TIAM1: variants seen among roughly 807,000 people sequenced by gnomAD.
TIAM1 encodes rho guanine nucleotide exchange factor TIAM1.
TIAM1 carries 65 observed loss-of-function variants against 163.5 expected under a neutral mutation model. The ratio of observed to expected loss-of-function variants is 0.40; its 90% CI spans 0.33 to 0.49. The LOEUF (loss-of-function observed/expected upper bound fraction) is 0.49, where lower values mean the gene tolerates loss of function less well. Among genes scored for constraint, TIAM1 ranks in the 20% least tolerant of loss-of-function variants. The pLI, the probability that TIAM1 is intolerant of heterozygous loss-of-function variation, is 0.77. For missense variants in TIAM1, 1,789 were observed against 2,044.7 expected (o/e 0.87, Z 2.41); for synonymous variants, 833 against 810.1 (o/e 1.03, Z -0.48).
chr21:31,156,292 C>A (rs2083620316), intron 16 of TIAM1, among the ~76,000 whole-genome samples: 2 of 152,182 alleles, frequency 1.3e-5, no homozygotes, highest in Non-Finnish European at 2.9e-5. Flanking sequence ...CTAGCACTAA[C>A]CCTGGTCTTA....
rs1601714064 is a variant in TIAM1 at position 31,253,706 on chromosome 21, A to G, written c.964-1517T>C. Among the ~76,000 whole-genome samples the G allele has an allele frequency of 3.9e-5, 6 of 152,262 alleles. No individual in the cohort carries two copies. In the South Asian group the frequency reaches 1.2e-3, roughly 32 times the overall value. ...CCTGGGAGTTAGAGGGACTTAAGGG[A>G]AAGAAAGAAACCACGAATGCAGCTC... On this transcript the variant is annotated intron_variant, in intron 4 of 27. Transcript: ENST00000541036.
chr21:31,357,716 C>T (rs1411105499), intron 2 of TIAM1, among the ~76,000 whole-genome samples: 1 of 152,204 alleles, frequency 6.6e-6, no homozygotes, highest in Non-Finnish European at 1.5e-5. Flanking sequence ...TCCAGTGCAT[C>T]TTCCATCCAA....
chr21:31,202,274 G>A (rs188163964), intron 12 of TIAM1, among the ~76,000 whole-genome samples: 2 of 152,090 alleles, frequency 1.3e-5, no homozygotes, highest in South Asian at 2.1e-4. Flanking sequence ...AAGACTGGCC[G>A]TGCGCAGTGG....
chr21:31,141,443 T>C lies in TIAM1; in HGVS notation c.3537A>G (p.Ser1179=), dbSNP rs2082841625. ...LDAQNPKQQH[S]STLESYLIKP... ...TGATGAGGTACGACTCCAGCGTGGATGAGTGCTGCTGCTTCGGGTTCTGGG... is the reference window on the plus strand; with the variant it reads ...TGATGAGGTACGACTCCAGCGTGGACGAGTGCTGCTGCTTCGGGTTCTGGG... The change falls in exon 21 of 28, where the codon TCA becomes TCG. Residue 1179 remains serine (S), a synonymous_variant. Transcript: ENST00000541036. This position sits in a 1 kb window ranked among gnomAD's most constrained non-coding sequence, Gnocchi z 4.7. 1.9e-6 allele frequency: 3 copies of C among 1,614,084 alleles called. No individual in the cohort carries two copies. Among genetic ancestry groups the C allele is most frequent in the South Asian group, 1.1e-5 (1 of 91,088 alleles).
At chr21:31,213,985 CA>C (rs1383061848) in intron 9 of TIAM1, among the ~76,000 whole-genome samples, 4 of 151,254 alleles carry the variant, frequency 2.6e-5, no homozygotes, top group Non-Finnish European at 5.9e-5. Context: ...CACTGAACTA[CA>C]ATCTGGGCAA....
intron 2 of TIAM1, among the ~76,000 whole-genome samples, chr21:31,396,494 GC>G (rs2077071881): frequency 6.6e-6 from 1 of 151,660 alleles, no homozygotes; most frequent in Non-Finnish European, 1.5e-5. Flanking sequence ...CCCCACTGTA[GC>G]TCCCGAAACA....
chr21:31,406,162 A>G (rs528044373), intron 2 of TIAM1, among the ~76,000 whole-genome samples: 48 of 144,088 alleles, frequency 3.3e-4, no homozygotes, highest in Admixed American at 5.7e-4. Flanking sequence ...ATTGAGTCCC[A>G]TGGCTTAAAT....
At chr21:31,496,008 A>G (rs1413072282) in intron 1 of TIAM1, among the ~76,000 whole-genome samples, 1 of 151,866 alleles carries the variant, frequency 6.6e-6, no homozygotes, top group Non-Finnish European at 1.5e-5. Flanking sequence ...ACTGCCCCTG[A>G]AGAGTTTCCC....
intron 2 of TIAM1, among the ~76,000 whole-genome samples, chr21:31,394,728 T>TCACA (rs71318270): frequency 0.06 from 5,696 of 95,636 alleles, 258 homozygotes; most frequent in East Asian, 0.14. Flanking sequence ...TCTCTCTCTC[T>TCACA]CACACACACA....
intron 4 of TIAM1, among the ~76,000 whole-genome samples, chr21:31,258,214 C>T (rs1025075206): frequency 6.6e-6 from 1 of 152,160 alleles, no homozygotes; most frequent in African/African-American, 2.4e-5. Flanking sequence ...GTTGACGCAT[C>T]CCAAGTGCCA....
chr21:31,176,642 C>A (rs991260058), intron 15 of TIAM1, among the ~76,000 whole-genome samples: 4 of 152,152 alleles, frequency 2.6e-5, no homozygotes, highest in Non-Finnish European at 5.9e-5. Context: ...ACAGGACCAC[C>A]TAACAAATTT....
At chr21:31,403,265 A>G (rs962110612) in intron 2 of TIAM1, among the ~76,000 whole-genome samples, 3 of 152,104 alleles carry the variant, frequency 2.0e-5, no homozygotes, top group Non-Finnish European at 4.4e-5. Context: ...CTCCTGCCTC[A>G]GACTCCTAAG....
rs750119411 is a variant in TIAM1, at chr21:31,266,399, G to A, written c.574C>T (p.His192Tyr). The A allele has an allele frequency of 2.5e-6, 4 of 1,614,222 alleles. No homozygotes were observed. The highest frequency in any genetic ancestry group is 3.4e-6 in the Non-Finnish European group (4 of 1,180,044). ...AAGATTTCTTCGTTGCTTGTTAAAT[G>A]TTCTTGGCTCAGATCAGAGAGTGAG... Reference protein sequence around the residue: ...EFSLSDLSQEHLTSNEEILGS... With the variant: ...EFSLSDLSQEYLTSNEEILGS... The change falls in exon 4 of 28, where the codon CAT becomes TAT. Residue 192 changes from histidine to tyrosine, a missense_variant. This residue lies in a region of TIAM1 where 555 missense variants were observed against 564.9 expected (regional missense o/e 0.98). Transcript: ENST00000541036.
At chr21:31,490,075 G>A (rs2046415204) in intron 1 of TIAM1, among the ~76,000 whole-genome samples, 1 of 152,164 alleles carries the variant, frequency 6.6e-6, no homozygotes, top group Non-Finnish European at 1.5e-5. Flanking sequence ...ATGTGTTACT[G>A]TTAATTCTGT....
At chr21:31,178,437 G>C (rs943253088) in intron 15 of TIAM1, among the ~76,000 whole-genome samples, 5 of 150,020 alleles carry the variant, frequency 3.3e-5, no homozygotes, top group South Asian at 4.2e-4. Flanking sequence ...CTGCCGAGTA[G>C]CTGGGACTAC....
chr21:31,437,602 G>C (rs537151810), intron 2 of TIAM1, among the ~76,000 whole-genome samples: 1 of 152,122 alleles, frequency 6.6e-6, no homozygotes, highest in South Asian at 2.1e-4. Flanking sequence ...GTTGGAGAAA[G>C]GGCCTGTGGG....
chr21:31,276,577 T>A (rs772636724), intron 3 of TIAM1, among the ~76,000 whole-genome samples, 155 bp downstream of exon 3: 1 of 152,244 alleles, frequency 6.6e-6, no homozygotes, highest in Admixed American at 6.5e-5. Context: ...AATTGTCAGA[T>A]AGGTGTAACC....
intron 6 of TIAM1, among the ~76,000 whole-genome samples, chr21:31,239,336 G>T (rs954217132): frequency 6.6e-6 from 1 of 152,006 alleles, no homozygotes; most frequent in African/African-American, 2.4e-5. Context: ...TTTCCATGTT[G>T]TCTAGGCTGG....
intron 2 of TIAM1, among the ~76,000 whole-genome samples, chr21:31,413,505 C>T (rs939421874): frequency 2.0e-5 from 3 of 151,962 alleles, no homozygotes; most frequent in East Asian, 1.9e-4. Context: ...TTCCTGACGT[C>T]GTGATCCACC....
Sources: gnomAD v4.1 joint callset for allele counts (sites outside exome capture counted in the v4.1 genomes callset) on GRCh38, gnomAD v4.1.1 for gene constraint, gnomAD v4.1.1 regional missense constraint, Gnocchi (gnomAD v3.1) non-coding constraint, MANE v1.5 for transcripts, NCBI Gene and HGNC (gene_info 2026-07-23, HGNC 2026-07-21) for gene names.